Variants in ABCG1 observed in about 807,000 individuals in gnomAD.
The protein encoded by ABCG1 is ATP binding cassette subfamily G member 1.
Under a neutral mutation model 69.2 loss-of-function variants are expected in ABCG1, and 29 were observed. The ratio of observed to expected loss-of-function variants is 0.42; its 90% confidence interval spans 0.31 to 0.57. The LOEUF is 0.57. Among genes scored for constraint, ABCG1 ranks in the 20% least tolerant of loss-of-function variants. The pLI is 0.15. For missense variants in ABCG1, 718 were observed against 898.1 expected (o/e 0.80, Z 2.56); for synonymous variants, 370 against 374.8 (o/e 0.99, Z 0.15).
chr21:42,225,749 A>T lies in ABCG1; in HGVS notation c.121A>T (p.Met41Leu), dbSNP rs771865104. 5 of 1,614,024 alleles carry T rather than the reference A, an allele frequency of 3.1e-6. No homozygotes were observed. The highest frequency in any genetic ancestry group is 2.2e-5 in the South Asian group (2 of 91,066). Residue 41 changes from methionine to leucine, a missense_variant, in exon 2 of 15, where the codon ATG becomes TTG. Coordinates refer to ENST00000398449, the MANE Select transcript of ABCG1 (RefSeq NM_016818.3). ...GGTGGATGAGGTGGTGTCCAGCAAC[A>T]TGGAGGCCACTGAGACGGACCTGCT... ...VSVDEVVSSNMEATETDLLNG... is the reference protein window; with the variant it reads ...VSVDEVVSSNLEATETDLLNG...
intron 2 of ABCG1, among the ~76,000 whole-genome samples, chr21:42,202,613 CTT>C (rs1008706822): frequency 6.9e-6 from 1 of 145,526 alleles, no homozygotes; most frequent in Admixed American, 6.8e-5. Flanking sequence ...GTCTCTCTCC[CTT>C]TTTTTTTTTC....
intron 2 of ABCG1, among the ~76,000 whole-genome samples, chr21:42,256,799 C>T (rs1569222133): frequency 6.6e-6 from 1 of 152,352 alleles, no homozygotes; most frequent in South Asian, 2.1e-4. Flanking sequence ...TAGGTCCACT[C>T]TCCTTGGTGG....
At position 42,232,445 on chromosome 21, in the gene ABCG1, G is replaced by GC. The variant is rs545301802; in HGVS notation, c.286+6533dup. On this transcript the variant is annotated intron_variant, in intron 2 of 14. Transcript: ENST00000398449. ...GGCTCAGATGGCTCTGCCAACATTG[G>GC]CCTTGGGGTCTGCTTTTCTCTTTGC... 3.3e-3 allele frequency among the ~76,000 whole-genome samples: 506 copies of GC among 152,328 alleles called. 4 individuals carry two copies. The highest frequency in any genetic ancestry group is 5.2e-3 in the Non-Finnish European group (353 of 68,024).
At chr21:42,240,595 C>T (rs1056142419) in intron 2 of ABCG1, among the ~76,000 whole-genome samples, 3 of 152,218 alleles carry the variant, frequency 2.0e-5, no homozygotes, top group African/African-American at 2.4e-5. Flanking sequence ...GGATTACAGG[C>T]GCCCATCACA....
chr21:42,256,617 G>T, intron 2 of ABCG1: 2 of 1,505,096 alleles, frequency 1.3e-6, no homozygotes, highest in Middle Eastern at 1.9e-4. Flanking sequence ...ACAGGCACAG[G>T]TCAGCTCTCA....
rs766235564 is a variant in ABCG1 at position 42,225,765 on chromosome 21, C to T, written c.137C>T (p.Thr46Met). 5.5e-5 allele frequency: 89 copies of T among 1,613,736 alleles called. 1 individual carries two copies. Among genetic ancestry groups the T allele is most frequent in the East Asian group, 5.1e-4 (23 of 44,868 alleles). The stretch of plus-strand genomic sequence containing the variant: ...TCCAGCAACATGGAGGCCACTGAGA[C>T]GGACCTGCTGAATGGACATCTGAAA... ...VVSSNMEATE[T>M]DLLNGHLKKV... Residue 46 changes from threonine (T) to methionine (M), a missense_variant, in exon 2 of 15, where the codon ACG becomes ATG. Thr to Met is a moderately conservative substitution (Grantham distance 81, BLOSUM62 -1). Around this residue, in one of 2 missense-constraint regions of ABCG1, gnomAD observed 514 missense variants for 574.3 expected, o/e 0.90. Coordinates refer to ENST00000398449, the MANE Select transcript of ABCG1 (RefSeq NM_016818.3).
At chr21:42,208,885 ATC>A (rs1358673159) in intron 2 of ABCG1, among the ~76,000 whole-genome samples, 2 of 152,168 alleles carry the variant, frequency 1.3e-5, no homozygotes, top group African/African-American at 4.8e-5. Flanking sequence ...GCAGAAGATA[ATC>A]TCTCTAATCA....
chr21:42,237,202 C>T (rs924869245), intron 2 of ABCG1, among the ~76,000 whole-genome samples: 3 of 152,192 alleles, frequency 2.0e-5, no homozygotes, highest in African/African-American at 7.2e-5. Flanking sequence ...AGAACTATAC[C>T]TCAATATCTG....
At chr21:42,253,931 C>G (rs540329201) in intron 2 of ABCG1, among the ~76,000 whole-genome samples, 1 of 152,266 alleles carries the variant, frequency 6.6e-6, no homozygotes, top group African/African-American at 2.4e-5. Context: ...TGACTATTCC[C>G]CATCACTTGT....
intron 13 of ABCG1, among the ~76,000 whole-genome samples, chr21:42,293,085 CACT>C (rs2069109809): frequency 1.1e-5 from 1 of 92,380 alleles, no homozygotes; most frequent in Non-Finnish European, 2.2e-5. Flanking sequence ...ACACCACACA[CACT>C]ACACACCACA....
Position 42,287,987 on chromosome 21 carries a change from G to A in ABCG1, c.1072G>A (p.Gly358Arg), listed in dbSNP as rs151254598. ...MCDSDHKRDL[G>R]GDAEVNPFLW... ...TGACTCAGACCACAAGAGAGACCTC[G>A]GGGGTGATGCCGAGGTGAACCCTTT... is the stretch of plus-strand genomic sequence containing the variant. Residue 358 changes from glycine (G) to arginine (R), a missense_variant, in exon 9 of 15, where the codon GGG (glycine) becomes AGG (arginine). This residue lies in a region of ABCG1 where 514 missense variants were observed against 574.3 expected (regional missense o/e 0.90). Transcript: ENST00000398449. The surrounding 1 kb of genome is among the most constrained non-coding windows in gnomAD (Gnocchi z 6.2). 4.0e-4 allele frequency: 651 copies of A among 1,613,518 alleles called. 6 individuals are homozygous for A. The highest frequency in any genetic ancestry group is 1.2e-3 in the Middle Eastern group (7 of 6,060).
intron 2 of ABCG1, chr21:42,201,764 C>G: frequency 6.2e-7 from 1 of 1,613,104 alleles, no homozygotes; most frequent in African/African-American, 1.3e-5. Context: ...GAAGCTAAAG[C>G]TCAGATCCAG....
intron 2 of ABCG1, among the ~76,000 whole-genome samples, chr21:42,252,313 T>A (rs1433617835): frequency 1.3e-5 from 2 of 152,166 alleles, no homozygotes; most frequent in Non-Finnish European, 2.9e-5. Flanking sequence ...TGTTTTTCCT[T>A]TTTCTTTCAG....
At chr21:42,251,601 C>A (rs1348296215) in intron 2 of ABCG1, among the ~76,000 whole-genome samples, 1 of 151,794 alleles carries the variant, frequency 6.6e-6, no homozygotes, top group Non-Finnish European at 1.5e-5. Flanking sequence ...GTTTGGGAGA[C>A]CCTGACCAGA....
At chr21:42,252,528 C>A (rs3787981) in intron 2 of ABCG1, among the ~76,000 whole-genome samples, 16,948 of 152,086 alleles carry the variant, frequency 0.11, 1,200 homozygotes, top group South Asian at 0.17. Context: ...ACACTTCTTT[C>A]GTTGTCCTGT....
intron 14 of ABCG1, chr21:42,295,457 T>A (rs2069190195): frequency 6.7e-6 from 1 of 149,996 alleles, no homozygotes; most frequent in African/African-American, 2.5e-5. Context: ...GAATGCCCAG[T>A]GCCTCAGGTC....
At chr21:42,284,490 C>T in intron 6 of ABCG1, 70 bp from the exon 7 acceptor site, 3 of 1,572,854 alleles carry the variant, frequency 1.9e-6, no homozygotes, top group Non-Finnish European at 2.6e-6. Context: ...ACTCCCTGGA[C>T]CCCCGGAACC....
At chr21:42,220,299 C>T (rs2067703459) in intron 1 of ABCG1, among the ~76,000 whole-genome samples, 1 of 152,232 alleles carries the variant, frequency 6.6e-6, no homozygotes, top group Admixed American at 6.5e-5. Flanking sequence ...GCCCACAGTG[C>T]ATGGCACGCT....
chr21:42,210,432 T>C (rs2067577560), intron 2 of ABCG1, among the ~76,000 whole-genome samples: 2 of 152,154 alleles, frequency 1.3e-5, no homozygotes, highest in Non-Finnish European at 2.9e-5. Flanking sequence ...CTCCAGTAAT[T>C]TTCCGGTATC....
Sources: gnomAD v4.1 joint callset for allele counts (sites outside exome capture counted in the v4.1 genomes callset) on GRCh38, gnomAD v4.1.1 for gene constraint, gnomAD v4.1.1 regional missense constraint, Gnocchi (gnomAD v3.1) non-coding constraint, MANE v1.5 for transcripts, NCBI Gene and HGNC (gene_info 2026-07-23, HGNC 2026-07-21) for gene names.